Variants in NDUFAB1 observed in about 807,000 individuals in gnomAD.
NDUFAB1 encodes the protein acyl carrier protein, mitochondrial.
A neutral mutation model predicts 16.1 loss-of-function variants in NDUFAB1; 5 were observed. That is an observed-to-expected ratio of 0.31 (90% CI 0.16 to 0.65). NDUFAB1 has a LOEUF of 0.65. Ranked by LOEUF, NDUFAB1 falls within the 30% of genes least tolerant of loss-of-function variation. The probability of loss-of-function intolerance (pLI) is 0.77; values close to 1 mark genes in which losing one functional copy is unlikely to be tolerated. For missense variants in NDUFAB1, 187 were observed against 205.3 expected (o/e 0.91, Z 0.54); for synonymous variants, 85 against 78.4 (o/e 1.08, Z -0.44).
At chr16:23,594,636 G>A (rs756219088) in intron 1 of NDUFAB1, among the ~76,000 whole-genome samples, 2 of 152,082 alleles carry the variant, frequency 1.3e-5, no homozygotes, top group African/African-American at 2.4e-5. Context: ...ACAGGCATAA[G>A]CCACCGCGCC....
At chr16:23,592,066 T>C (rs968679992) in intron 1 of NDUFAB1, among the ~76,000 whole-genome samples, 19 of 152,306 alleles carry the variant, frequency 1.2e-4, no homozygotes, top group African/African-American at 3.8e-4. Flanking sequence ...TGTAGGCTGA[T>C]GCAATAACAA....
chr16:23,581,244 G>A (rs1240725425), intron 4 of NDUFAB1, 71 bp from the exon 5 acceptor site: 2 of 152,184 alleles, frequency 1.3e-5, no homozygotes, highest in Admixed American at 1.3e-4. Flanking sequence ...CATCTTTCAG[G>A]TGCTAAAAAT....
rs1250330195 is a variant in NDUFAB1, at chr16:23,587,305, A to G, written c.183T>C (p.Val61=). The G allele has an allele frequency of 1.2e-6, 2 of 1,613,882 alleles. No individual in the cohort carries two copies. The highest frequency in any genetic ancestry group is 2.7e-5 in the African/African-American group (2 of 74,926). ...ALVLAQVPGR[V]TQLCRQYSDM... ...CGCTATACTGGCGGCACAACTGTGT[A>G]ACTCTACCAGGAACCTAGAGCGACG... is the stretch of plus-strand genomic sequence containing the variant. The change falls in exon 2 of 5, where the codon GTT becomes GTC. Residue 61 remains valine, a synonymous_variant. Coordinates refer to ENST00000007516, the MANE Select transcript of NDUFAB1 (RefSeq NM_005003.3).
chr16:23,586,399 G>C (rs1392366779), intron 2 of NDUFAB1, among the ~76,000 whole-genome samples: 1 of 151,952 alleles, frequency 6.6e-6, no homozygotes, highest in African/African-American at 2.4e-5. Context: ...GCAGTGGCAT[G>C]ATCTCGGCTC....
At chr16:23,582,407 G>T in intron 3 of NDUFAB1, 32 bp from the exon 4 acceptor site, 1 of 1,498,968 alleles carries the variant, frequency 6.7e-7, no homozygotes, top group South Asian at 1.3e-5. Context: ...ATGTGAGAGA[G>T]TTAAAAAAAA....
intron 1 of NDUFAB1, among the ~76,000 whole-genome samples, chr16:23,589,013 G>T (rs1462303107): frequency 6.6e-6 from 1 of 151,838 alleles, no homozygotes; most frequent in Admixed American, 6.6e-5. Context: ...TTAAAATCAG[G>T]TTTAGGCTGG....
At chr16:23,588,029 T>C (rs550219038) in intron 1 of NDUFAB1, among the ~76,000 whole-genome samples, 25 of 152,342 alleles carry the variant, frequency 1.6e-4, no homozygotes, top group African/African-American at 5.8e-4. Flanking sequence ...GGTATTAGGG[T>C]ATTGACCAGA....
intron 1 of NDUFAB1, among the ~76,000 whole-genome samples, chr16:23,593,679 C>G (rs1363717125): frequency 6.6e-6 from 1 of 152,152 alleles, no homozygotes; most frequent in Non-Finnish European, 1.5e-5. Flanking sequence ...TCTCTGGCCC[C>G]TTCCCAGAAC....
chr16:23,583,816 A>C (rs2142232047), intron 3 of NDUFAB1, among the ~76,000 whole-genome samples: 1 of 152,280 alleles, frequency 6.6e-6, no homozygotes, highest in South Asian at 2.1e-4. Context: ...TTCGAATAGA[A>C]AAGGGGGAAA....
chr16:23,582,778 C>T (rs1323470229), intron 3 of NDUFAB1, among the ~76,000 whole-genome samples: 1 of 149,610 alleles, frequency 6.7e-6, no homozygotes, highest in Non-Finnish European at 1.5e-5. Context: ...CTCCCTCTCC[C>T]CAAGGTCTCC....
At chr16:23,593,630 C>T (rs531583205) in intron 1 of NDUFAB1, among the ~76,000 whole-genome samples, 8 of 152,298 alleles carry the variant, frequency 5.3e-5, no homozygotes, top group Admixed American at 5.2e-4. Context: ...AAGGAACACC[C>T]GCAGCAGGAT....
intron 3 of NDUFAB1, among the ~76,000 whole-genome samples, chr16:23,584,348 T>C (rs1463574666): frequency 6.6e-6 from 1 of 151,124 alleles, no homozygotes; most frequent in Non-Finnish European, 1.5e-5. Flanking sequence ...TTTCTATCTC[T>C]GGATTTGCCT....
intron 1 of NDUFAB1, among the ~76,000 whole-genome samples, chr16:23,590,324 A>G (rs1392918174): frequency 6.6e-6 from 1 of 152,190 alleles, no homozygotes; most frequent in African/African-American, 2.4e-5. Context: ...TAGACCACCT[A>G]TGCCTGCACC....
At chr16:23,586,002 A>C (rs1966229471) in intron 2 of NDUFAB1, among the ~76,000 whole-genome samples, 2 of 152,318 alleles carry the variant, frequency 1.3e-5, no homozygotes, top group South Asian at 4.1e-4. Context: ...ATCTCGGCTC[A>C]CTGCAAACTC....
chr16:23,586,307 A>C (rs1226907375), intron 2 of NDUFAB1, among the ~76,000 whole-genome samples: 1 of 152,090 alleles, frequency 6.6e-6, no homozygotes, highest in Non-Finnish European at 1.5e-5. Context: ...AAATCAAAAA[A>C]AAAACTGCCT....
intron 4 of NDUFAB1, chr16:23,581,724 T>G (rs770660396): frequency 4.6e-5 from 7 of 152,180 alleles, no homozygotes; most frequent in Non-Finnish European, 1.0e-4. Context: ...TCTCTTCAAT[T>G]TTGCTTTCAC....
chr16:23,594,347 T>C (rs1042214664), intron 1 of NDUFAB1, among the ~76,000 whole-genome samples: 1 of 152,042 alleles, frequency 6.6e-6, no homozygotes, highest in Non-Finnish European at 1.5e-5. Flanking sequence ...TTCTAGATTC[T>C]GTCGATCTGG....
chr16:23,595,513 T>C (rs776076021), intron 1 of NDUFAB1: 20 of 452,394 alleles, frequency 4.4e-5, no homozygotes, highest in Non-Finnish European at 8.4e-5. Context: ...TAAATACTGG[T>C]CGCGTTTGGT....
At chr16:23,584,362 C>T (rs1439294602) in intron 3 of NDUFAB1, among the ~76,000 whole-genome samples, 16 of 149,668 alleles carry the variant, frequency 1.1e-4, no homozygotes, top group Non-Finnish European at 2.1e-4. Flanking sequence ...TTTGCCTCTT[C>T]TTGACATTTC....
Sources: allele counts gnomAD v4.1 joint callset (sites outside exome capture counted in the v4.1 genomes callset), GRCh38; gene constraint gnomAD v4.1.1; transcripts MANE v1.5; gene names NCBI Gene and HGNC (gene_info 2026-07-23, HGNC 2026-07-21).